MAP2K4: variants seen among roughly 807,000 people sequenced by gnomAD.
MAP2K4 encodes the protein mitogen-activated protein kinase kinase 4, also known as dual specificity mitogen-activated protein kinase kinase 4.
A neutral mutation model predicts 48.5 loss-of-function variants in MAP2K4; 4 were observed. That is an observed-to-expected ratio of 0.08 (90% CI 0.04 to 0.19). The LOEUF is 0.19. Ranked by LOEUF, MAP2K4 falls within the 10% of genes least tolerant of loss-of-function variation. The probability of loss-of-function intolerance (pLI) is 1.00; values close to 1 mark genes in which losing one functional copy is unlikely to be tolerated. For missense variants in MAP2K4, 258 were observed against 493.3 expected (o/e 0.52, Z 4.52); for synonymous variants, 166 against 173.1 (o/e 0.96, Z 0.32).
chr17:12,033,750 CA>C (rs1372511180), intron 1 of MAP2K4, among the ~76,000 whole-genome samples: 1 of 151,932 alleles, frequency 6.6e-6, no homozygotes, highest in African/African-American at 2.4e-5. Flanking sequence ...TTTAGCATGA[CA>C]ACGTTTAGCT....
At chr17:12,113,926 T>C (rs747599775) in intron 7 of MAP2K4, among the ~76,000 whole-genome samples, 6 of 152,210 alleles carry the variant, frequency 3.9e-5, no homozygotes. Flanking sequence ...GCATACAGTG[T>C]TCCTACAGCC....
chr17:12,061,482 G>A (rs2151531261), intron 2 of MAP2K4, among the ~76,000 whole-genome samples: 1 of 152,264 alleles, frequency 6.6e-6, no homozygotes, highest in Non-Finnish European at 1.5e-5. Flanking sequence ...TTTTCTTTGT[G>A]GGCCCCTACC....
intron 1 of MAP2K4, among the ~76,000 whole-genome samples, chr17:12,022,270 A>G (rs1420546365): frequency 1.3e-5 from 2 of 152,206 alleles, no homozygotes; most frequent in Non-Finnish European, 2.9e-5. Context: ...ATTTTAATAT[A>G]CATAAAAACC....
In MAP2K4 at chr17:12,081,415, A is replaced by G; in HGVS notation, c.278A>G (p.Gln93Arg). ...GGAAAACTGAAGATCTCCCCTGAACAACACTGGGATTTCACTGCAGAGGAC... is the reference window on the plus strand; with the variant it reads ...GGAAAACTGAAGATCTCCCCTGAACGACACTGGGATTTCACTGCAGAGGAC... ...SSGKLKISPE[Q>R]HWDFTAEDLK... The change falls in exon 3 of 11, where the codon CAA (glutamine) becomes CGA (arginine). Residue 93 changes from glutamine to arginine, a missense_variant. Transcript: ENST00000353533. The surrounding 1 kb of genome is among the most constrained non-coding windows in gnomAD (Gnocchi z 4.2). The G allele has an allele frequency of 1.2e-6, 2 of 1,614,136 alleles. No individual in the cohort carries two copies. The highest frequency in any genetic ancestry group is 1.7e-6 in the Non-Finnish European group (2 of 1,179,968).
intron 3 of MAP2K4, among the ~76,000 whole-genome samples, chr17:12,090,463 C>T (rs1597457189): frequency 6.6e-6 from 1 of 152,284 alleles, no homozygotes; most frequent in African/African-American, 2.4e-5. Flanking sequence ...TATTGAGCAT[C>T]TAGGCACAAT....
chr17:12,123,178 G>A (rs1972747888), intron 7 of MAP2K4, among the ~76,000 whole-genome samples: 2 of 152,268 alleles, frequency 1.3e-5, no homozygotes, highest in East Asian at 3.9e-4. Flanking sequence ...AAAAATTTGT[G>A]TAAGGCCAGT....
rs1597511835 is a variant in MAP2K4, at chr17:12,141,794, C to T, written c.*534C>T. The T allele has an allele frequency of 2.1e-5, 5 of 234,170 alleles. No individual in the cohort carries two copies. In the East Asian group the frequency reaches 3.0e-4, roughly 14 times the overall value. The allele number at this position is 234,170 out of a possible 1,614,324, so 14.5% of individuals were successfully genotyped here. A position where few individuals can be genotyped will look rare whatever the true frequency, so the allele number is the denominator to read the frequency against. On this transcript the variant is annotated 3_prime_UTR_variant, in exon 11 of 11. Coordinates refer to ENST00000353533, the MANE Select transcript of MAP2K4 (RefSeq NM_003010.4). ...TGCAATAGATTACTGATGTGATATT[C>T]TGTTGCTTTACAGTTACAGTTGATG...
chr17:12,138,830 G>A (rs1973288594), intron 9 of MAP2K4, among the ~76,000 whole-genome samples: 1 of 152,200 alleles, frequency 6.6e-6, no homozygotes, highest in African/African-American at 2.4e-5. Flanking sequence ...AGCCAACTCT[G>A]TGTTGACCTG....
At chr17:12,130,256 T>A (rs1972980763) in intron 9 of MAP2K4, among the ~76,000 whole-genome samples, 1 of 152,180 alleles carries the variant, frequency 6.6e-6, no homozygotes, top group African/African-American at 2.4e-5. Flanking sequence ...GTAACCAAAT[T>A]CTACTTTTGT....
At chr17:12,129,002 C>T in intron 8 of MAP2K4, 137 bp from the exon 9 acceptor site, 2 of 683,570 alleles carry the variant, frequency 2.9e-6, no homozygotes, top group Non-Finnish European at 4.9e-6. Flanking sequence ...CTGAAGATTC[C>T]TCCCCAAGCT....
chr17:12,039,649 A>G (rs752117257), intron 1 of MAP2K4, among the ~76,000 whole-genome samples: 4 of 152,196 alleles, frequency 2.6e-5, no homozygotes, highest in Admixed American at 6.5e-5. Flanking sequence ...TGAACAAAAC[A>G]ATATTACTAG....
intron 1 of MAP2K4, among the ~76,000 whole-genome samples, chr17:12,040,032 G>C (rs1969727789): frequency 6.6e-6 from 1 of 152,166 alleles, no homozygotes; most frequent in Non-Finnish European, 1.5e-5. Flanking sequence ...ATCACATCCA[G>C]GTGTGTTGTT....
intron 4 of MAP2K4, 113 bp from the exon 5 acceptor site, chr17:12,107,677 A>G: frequency 1.1e-6 from 1 of 905,032 alleles, no homozygotes; most frequent in Non-Finnish European, 1.7e-6. Flanking sequence ...TACTAGTTTG[A>G]CATTTGAAAT....
chr17:12,040,056 A>T (rs569852472), intron 1 of MAP2K4, among the ~76,000 whole-genome samples: 1 of 152,250 alleles, frequency 6.6e-6, no homozygotes, highest in East Asian at 1.9e-4. Flanking sequence ...TCACATCAGG[A>T]GGCATATGAT....
chr17:12,137,786 GT>G (rs1289910318), intron 9 of MAP2K4, among the ~76,000 whole-genome samples: 2 of 151,852 alleles, frequency 1.3e-5, no homozygotes, highest in Non-Finnish European at 2.9e-5. Context: ...ATAAACAAAG[GT>G]ATAAGCTTAA....
At chr17:12,059,709 G>A (rs1325786599) in intron 2 of MAP2K4, among the ~76,000 whole-genome samples, 4 of 152,170 alleles carry the variant, frequency 2.6e-5, no homozygotes, top group Non-Finnish European at 4.4e-5. Flanking sequence ...AGACTCAGTT[G>A]TGCTATAGAA....
chr17:12,114,332 T>G (rs537493534), intron 7 of MAP2K4, among the ~76,000 whole-genome samples: 26 of 152,280 alleles, frequency 1.7e-4, no homozygotes, highest in African/African-American at 6.3e-4. Flanking sequence ...CAATCCTCTT[T>G]TGGTTTTGTT....
chr17:12,064,667 A>C (rs189631496), intron 2 of MAP2K4, among the ~76,000 whole-genome samples: 12 of 150,054 alleles, frequency 8.0e-5, no homozygotes, highest in Admixed American at 3.3e-4. Flanking sequence ...TAGGTTTTTA[A>C]TAAAATGAAA....
intron 7 of MAP2K4, chr17:12,115,828 T>C (rs1456392809): frequency 1.9e-5 from 14 of 719,082 alleles, no homozygotes; most frequent in Non-Finnish European, 3.4e-5. Context: ...GGAGCTGCAC[T>C]GTGCGATGGG....
Sources: allele counts gnomAD v4.1 joint callset (sites outside exome capture counted in the v4.1 genomes callset), GRCh38; gene constraint gnomAD v4.1.1; non-coding constraint Gnocchi (gnomAD v3.1); transcripts MANE v1.5; gene names NCBI Gene and HGNC (gene_info 2026-07-23, HGNC 2026-07-21).